Variants in ADCY4 observed in about 807,000 individuals in gnomAD.
ADCY4 encodes adenylate cyclase type 4.
A neutral mutation model predicts 125.5 loss-of-function variants in ADCY4; 111 were observed. The ratio of observed to expected loss-of-function variants is 0.88; its 90% confidence interval spans 0.76 to 1.04. ADCY4 has a LOEUF of 1.04. ADCY4 is among the 50% of genes least tolerant of loss of function. The probability of loss-of-function intolerance (pLI) is 0.00; values close to 1 mark genes in which losing one functional copy is unlikely to be tolerated. For synonymous variants in ADCY4, 576 were observed against 586.9 expected (o/e 0.98, Z 0.27); for missense variants, 1,256 against 1,382.9 (o/e 0.91, Z 1.46).
At chr14:24,322,335 GT>G in intron 19 of ADCY4, 111 bp from the exon 20 acceptor site, 2 of 1,258,654 alleles carry the variant, frequency 1.6e-6, no homozygotes, top group Non-Finnish European at 2.2e-6. Context: ...CCCACCCCCA[GT>G]TTAGAAGTAG....
intron 16 of ADCY4, 83 bp downstream of exon 16, chr14:24,323,979 G>T (rs2041899049): frequency 3.3e-6 from 5 of 1,535,190 alleles, no homozygotes; most frequent in Non-Finnish European, 3.5e-6. Context: ...CCAGCTGCCT[G>T]CCCAAATCCA....
chr14:24,321,115 T>C (rs982248058), intron 20 of ADCY4, among the ~76,000 whole-genome samples: 1 of 150,420 alleles, frequency 6.6e-6, no homozygotes, highest in African/African-American at 2.4e-5. Flanking sequence ...TTTTTTGCCA[T>C]TAAAAGTAAT....
chr14:24,321,984 A>G (rs2041858720), intron 20 of ADCY4, 82 bp downstream of exon 20: 1 of 1,491,124 alleles, frequency 6.7e-7, no homozygotes, highest in Non-Finnish European at 9.0e-7. Context: ...GTTCTAGAGA[A>G]AACGGGCCAT....
At chr14:24,328,026 G>A (rs996538551) in intron 10 of ADCY4, among the ~76,000 whole-genome samples, 2 of 152,110 alleles carry the variant, frequency 1.3e-5, no homozygotes, top group African/African-American at 4.8e-5. Flanking sequence ...ACAGAGATAG[G>A]AGCTGAGGGG....
At chr14:24,331,753 G>T (rs908826359) in intron 4 of ADCY4, 35 bp downstream of exon 4, 8 of 1,520,634 alleles carry the variant, frequency 5.3e-6, no homozygotes, top group Non-Finnish European at 7.1e-6. Flanking sequence ...CTCCTCCCTC[G>T]GAGCGCTGCT....
chr14:24,319,467 C>G lies in ADCY4; in HGVS notation c.2734-31G>C, dbSNP rs1298692933. 3.8e-6 allele frequency: 6 copies of G among 1,597,316 alleles called. No homozygotes were observed. In the Admixed American group the frequency reaches 1.0e-4, roughly 27 times the overall value. Reference sequence around the variant, plus strand: ...TATAGAGAAGAGTCCTGTCCCCAGTCTCTCTTACTCTCTCCATCACCTCTC... The same window carrying G: ...TATAGAGAAGAGTCCTGTCCCCAGTGTCTCTTACTCTCTCCATCACCTCTC... On this transcript the variant is annotated intron_variant, in intron 21 of 24. Coordinates refer to ENST00000418030, the MANE Select transcript of ADCY4 (RefSeq NM_001198568.2). The surrounding 1 kb of genome is among the most constrained non-coding windows in gnomAD (Gnocchi z 4.5).
intron 23 of ADCY4, 125 bp from the exon 24 acceptor site, chr14:24,318,903 G>A (rs2041810751): frequency 2.7e-6 from 4 of 1,457,910 alleles, no homozygotes; most frequent in African/African-American, 1.4e-5. Context: ...TCTAAGGGCT[G>A]GAGGAATGTA....
In ADCY4 at chr14:24,331,084, C is replaced by G; in HGVS notation, c.864G>C (p.Glu288Asp). Residue 288 changes from glutamate (E) to aspartate (D), a missense_variant, in exon 6 of 25, where the codon GAG becomes GAC. Coordinates refer to ENST00000418030, the MANE Select transcript of ADCY4 (RefSeq NM_001198568.2). ...TGAGCACCAGCTCCTTAGGGGAACA[C>G]TCGCTGGCCAGCCGCGTGAAGCCCA... ...DIVGFTRLAS[E>D]CSPKELVLML... is the part of the protein sequence containing the mutation. The G allele has an allele frequency of 6.2e-7, 1 of 1,613,640 alleles. No homozygotes were observed. The highest frequency in any genetic ancestry group is 8.5e-7 in the Non-Finnish European group (1 of 1,179,586).
chr14:24,331,898 C>T lies in ADCY4; in HGVS notation c.559G>A (p.Ala187Thr). 1 of 1,586,656 alleles carries T rather than the reference C, an allele frequency of 6.3e-7. No homozygotes were observed. Among genetic ancestry groups the T allele is most frequent in the Non-Finnish European group, 8.6e-7 (1 of 1,159,648 alleles). ...ATCAGCGCCTTGTGGTACACTCCTG[C>T]CACGTTCCCGCACAGGAACAGCACT... The part of the protein sequence containing the change: ...NAVLFLCGNV[A>T]GVYHKALMER... Residue 187 changes from alanine (A) to threonine (T), a missense_variant, in exon 4 of 25, where the codon GCA (alanine) becomes ACA (threonine). Transcript: ENST00000418030.
chr14:24,323,426 G>A lies in ADCY4; in HGVS notation c.2075C>T (p.Pro692Leu). The A allele has an allele frequency of 6.4e-7, 1 of 1,555,204 alleles. No homozygotes were observed. Among genetic ancestry groups the A allele is most frequent in the Non-Finnish European group, 8.7e-7 (1 of 1,148,482 alleles). Residue 692 changes from proline (P) to leucine (L), a missense_variant, in exon 17 of 25, where the codon CCT (proline) becomes CTT (leucine). Pro to Leu is a moderately conservative substitution (Grantham distance 98). Transcript: ENST00000418030. ...GGAGGACACATTGGGAGCTTGGAAA[G>A]GGCAGTCTGATGATGTTGGGAAGAA... is the stretch of plus-strand genomic sequence containing the variant. ...LFFFPTSSDC[P>L]FQAPNVSSMI... is the part of the protein sequence containing the mutation.
At chr14:24,333,813 C>G (rs999636587) in intron 1 of ADCY4, among the ~76,000 whole-genome samples, 29 of 152,270 alleles carry the variant, frequency 1.9e-4, no homozygotes, top group African/African-American at 6.5e-4. Context: ...GGACCCGCGG[C>G]GTCCCGCACC....
At position 24,326,146 on chromosome 14, in the gene ADCY4, G is replaced by A. The variant is rs745674160; in HGVS notation, c.1588C>T (p.Leu530=). The stretch of plus-strand genomic sequence containing the variant: ...TCCCCGGTGTCCAGTTCATCATCTA[G>A]TCCCCGGGGGGTACGGCTCCTGCAC... The part of the protein sequence containing the change: ...SLDRSRTPRG[L]DDELDTGDAK... The change falls in exon 12 of 25, where the codon CTA becomes TTA. Residue 530 remains leucine, a synonymous_variant. Coordinates refer to ENST00000418030, the MANE Select transcript of ADCY4 (RefSeq NM_001198568.2). The A allele has an allele frequency of 2.5e-6, 4 of 1,594,140 alleles. No individual in the cohort carries two copies. In the East Asian group the frequency reaches 6.7e-5, roughly 27 times the overall value.
Position 24,332,918 on chromosome 14 carries a change from C to T in ADCY4, c.230G>A (p.Gly77Asp). The T allele has an allele frequency of 6.2e-7, 1 of 1,602,374 alleles. No homozygotes were observed. Among genetic ancestry groups the T allele is most frequent in the Non-Finnish European group, 8.5e-7 (1 of 1,173,472 alleles). The change falls in exon 2 of 25, where the codon GGC (glycine) becomes GAC (aspartate). Residue 77 changes from glycine to aspartate, a missense_variant. By Grantham distance (94) the Gly-to-Asp change is moderately conservative. Transcript: ENST00000418030. ...CALGGFSLLL[G>D]LASREQRLQR... ...CAGTCGCTGCTCCCGGGAAGCGAGG[C>T]CCAGCAGCAGCGAGAAGCCGCCCAG...
chr14:24,325,782 G>T, intron 13 of ADCY4, 36 bp downstream of exon 13: 1 of 1,573,058 alleles, frequency 6.4e-7, no homozygotes, highest in East Asian at 2.3e-5. Flanking sequence ...AACTAAAGTT[G>T]GGAAGTTGTT....
rs769787718 is a variant in ADCY4, at chr14:24,325,860, G to A, written c.1683C>T (p.Asn561=). 1.1e-5 allele frequency: 17 copies of A among 1,597,140 alleles called. No individual in the cohort carries two copies. In the Admixed American group the frequency reaches 2.2e-4, roughly 21 times the overall value. ...QKQWKQSKDF[N]PLTLYFREKE... ...TCTCTCTGAAGTACAGTGTCAGTGG[G>A]TTGAAGTCCTTCGACTGCTTCCACT... The change falls in exon 13 of 25, where the codon AAC becomes AAT. Residue 561 remains asparagine, a synonymous_variant. Transcript: ENST00000418030.
Position 24,329,908 on chromosome 14 carries a change from G to A in ADCY4, c.1169C>T (p.Ser390Leu), listed in dbSNP as rs1222723362. ...GTGGTTAGCCAGTGTGACATCATGT[G>A]ACCAAACGTCGTACTGCCACTTCTG... ...GLQKWQYDVW[S>L]HDVTLANHME... Residue 390 changes from serine to leucine, a missense_variant, in exon 8 of 25, where the codon TCA becomes TTA. Transcript: ENST00000418030. The A allele has an allele frequency of 4.3e-6, 7 of 1,613,986 alleles. No individual in the cohort carries two copies. In the African/African-American group the frequency reaches 9.3e-5, roughly 22 times the overall value.
chr14:24,330,181 A>C lies in ADCY4; in HGVS notation c.1045T>G (p.Cys349Gly). ...INCVRMGLDM[C>G]RAIRKLRAAT... The stretch of plus-strand genomic sequence containing the variant: ...GCCTGAGCTGACCTGATGGCCCGGC[A>C]CATGTCCAGGCCCATGCGCACGCAG... Residue 349 changes from cysteine to glycine, a missense_variant, in exon 7 of 25, where the codon TGC becomes GGC. By Grantham distance (159) the Cys-to-Gly change is radical. Transcript: ENST00000418030. 6.2e-7 allele frequency: 1 copy of C among 1,613,958 alleles called. No individual in the cohort carries two copies. The highest frequency in any genetic ancestry group is 8.5e-7 in the Non-Finnish European group (1 of 1,179,886).
In ADCY4 at chr14:24,324,208, G is replaced by A. The variant is rs2041902379; in HGVS notation, c.1909-9C>T. 6.2e-7 allele frequency: 1 copy of A among 1,614,174 alleles called. No homozygotes were observed. The highest frequency in any genetic ancestry group is 1.6e-4 in the Middle Eastern group (1 of 6,062). On this transcript the variant is annotated splice_polypyrimidine_tract_variant and intron_variant, in intron 15 of 24. Transcript: ENST00000418030. ...CCTTTCAGGACACACCTCTGTGGAG[G>A]GAGCATGGGCATCTTAGCCACGGGG...
chr14:24,331,147 T>A lies in ADCY4; in HGVS notation c.819-18A>T. 6.2e-7 allele frequency: 1 copy of A among 1,612,992 alleles called. No individual in the cohort carries two copies. The highest frequency in any genetic ancestry group is 8.5e-7 in the Non-Finnish European group (1 of 1,179,094). On this transcript the variant is annotated intron_variant, in intron 5 of 24. Transcript: ENST00000418030. ...ACAGCACGCTGCATAGGGCAGACTG[T>A]GTCAGCAGGGCCAGGGTCTTAGCCC... is the stretch of plus-strand genomic sequence containing the variant.
Sources: gnomAD v4.1 joint callset for allele counts (sites outside exome capture counted in the v4.1 genomes callset) on GRCh38, gnomAD v4.1.1 for gene constraint, Gnocchi (gnomAD v3.1) non-coding constraint, MANE v1.5 for transcripts, NCBI Gene and HGNC (gene_info 2026-07-23, HGNC 2026-07-21) for gene names.